CHST8: variants seen among roughly 807,000 people sequenced by gnomAD.
CHST8 encodes the protein carbohydrate sulfotransferase 8, also known as GALNAC-4-ST1.
In CHST8, 10 loss-of-function variants were observed where a neutral mutation model predicts 15.0. The ratio of observed to expected loss-of-function variants is 0.67; its 90% CI spans 0.41 to 1.13. The LOEUF (loss-of-function observed/expected upper bound fraction) is 1.13. Among genes scored for constraint, CHST8 ranks in the 50% most tolerant of loss-of-function variants. CHST8 has a pLI of 0.00. For synonymous variants in CHST8, 259 were observed against 256.6 expected (o/e 1.01, Z -0.09); for missense variants, 634 against 608.2 (o/e 1.04, Z -0.45).
intron 2 of CHST8, among the ~76,000 whole-genome samples, chr19:33,683,340 T>C (rs907523353): frequency 6.6e-5 from 10 of 152,190 alleles, no homozygotes; most frequent in Non-Finnish European, 1.5e-4. Context: ...AGAATCAACA[T>C]TTGTCTTTAA....
chr19:33,690,370 C>T (rs1169674409), intron 3 of CHST8, among the ~76,000 whole-genome samples: 2 of 151,978 alleles, frequency 1.3e-5, no homozygotes, highest in Non-Finnish European at 2.9e-5. Flanking sequence ...AAATCCCTGC[C>T]GGAAGCCCAG....
rs111453508 is a variant in CHST8, at chr19:33,734,399, T to A, written c.131-37014T>A. 2.1e-3 allele frequency among the ~76,000 whole-genome samples: 319 copies of A among 152,354 alleles called. 1 individual carries two copies. Among genetic ancestry groups the A allele is most frequent in the African/African-American group, 7.3e-3 (303 of 41,582 alleles). The stretch of plus-strand genomic sequence containing the variant: ...TTCCTTTACTTCTTAATAAACTTGC[T>A]TTCACTTTACTCTATGAACTCACCC... On this transcript the variant is annotated intron_variant, in intron 3 of 4. Coordinates refer to ENST00000650847, the MANE Select transcript of CHST8 (RefSeq NM_001127895.2).
rs1477991580 is a variant in CHST8 at position 33,634,400 on chromosome 19, AT to A, written c.-164+12106del. ...TTTGAAAATTTCCTTTCGTCCCCAA[AT>A]TGTAGAACTCACTTCCATCCCCACA... On this transcript the variant is annotated intron_variant, in intron 1 of 4. Transcript: ENST00000650847. Among the ~76,000 whole-genome samples the A allele has an allele frequency of 2.0e-5, 3 of 152,160 alleles. No homozygotes were observed. The East Asian group carries it at 5.8e-4, about 29-fold the overall frequency.
At chr19:33,709,805 CA>C (rs1428608640) in intron 3 of CHST8, among the ~76,000 whole-genome samples, 1 of 152,112 alleles carries the variant, frequency 6.6e-6, no homozygotes. Flanking sequence ...TAGAATTTAT[CA>C]GTGAAGATAT....
intron 3 of CHST8, among the ~76,000 whole-genome samples, chr19:33,692,502 A>G (rs1396885168): frequency 6.6e-6 from 1 of 152,208 alleles, no homozygotes; most frequent in Non-Finnish European, 1.5e-5. Context: ...GTTCTAGACC[A>G]GCCTGGGCAA....
chr19:33,727,582 C>G (rs369411219), intron 3 of CHST8, among the ~76,000 whole-genome samples: 6 of 152,186 alleles, frequency 3.9e-5, no homozygotes, highest in African/African-American at 1.4e-4. Context: ...TCGCGCCTGG[C>G]TTTATTAATC....
chr19:33,701,319 G>C (rs532978692), intron 3 of CHST8, among the ~76,000 whole-genome samples: 127 of 152,146 alleles, frequency 8.3e-4, no homozygotes, highest in African/African-American at 3.0e-3. Flanking sequence ...AGACACCCTG[G>C]GGGTCTCTAG....
intron 3 of CHST8, among the ~76,000 whole-genome samples, chr19:33,756,792 A>G (rs1974555715): frequency 6.6e-6 from 1 of 151,800 alleles, no homozygotes; most frequent in Admixed American, 6.6e-5. Flanking sequence ...TTCCCCAGTC[A>G]CCTCCAGAAT....
At chr19:33,669,005 TTA>T (rs1972699472) in intron 2 of CHST8, among the ~76,000 whole-genome samples, 1 of 152,168 alleles carries the variant, frequency 6.6e-6, no homozygotes, top group South Asian at 2.1e-4. Context: ...TGTTGCATCC[TTA>T]GTTTTATCCT....
chr19:33,690,117 A>G (rs952809954), intron 3 of CHST8, among the ~76,000 whole-genome samples: 4 of 152,072 alleles, frequency 2.6e-5, no homozygotes, highest in African/African-American at 7.2e-5. Context: ...AGGCCTGGGA[A>G]CTCTCTGCTT....
At chr19:33,765,556 A>AGTGTGTGTGTGTGT (rs1568362678) in intron 3 of CHST8, among the ~76,000 whole-genome samples, 6 of 81,940 alleles carry the variant, frequency 7.3e-5, no homozygotes, top group South Asian at 3.4e-4. Context: ...TGTGTGTGTC[A>AGTGTGTGTGTGTGT]GAGAGAGAGA....
At chr19:33,644,537 C>T (rs1426970042) in intron 1 of CHST8, among the ~76,000 whole-genome samples, 1 of 151,870 alleles carries the variant, frequency 6.6e-6, no homozygotes, top group African/African-American at 2.4e-5. Context: ...GAGTTTGAGA[C>T]AAGCCTGGGC....
rs538795960 is a variant in CHST8, at chr19:33,689,365, C to G, written c.104C>G (p.Thr35Arg). The change falls in exon 3 of 5, where the codon ACG (threonine) becomes AGG (arginine). Residue 35 changes from threonine to arginine, a missense_variant. Thr to Arg is a moderately conservative substitution (Grantham distance 71). Transcript: ENST00000650847. ...CTCTTCATCAGCCTGCAGGACCCTACGGAGCTCGCCCCCCAGCAGGTGCCA... is the reference window on the plus strand; with the variant it reads ...CTCTTCATCAGCCTGCAGGACCCTAGGGAGCTCGCCCCCCAGCAGGTGCCA... Reference protein sequence around the residue: ...LLLFISLQDPTELAPQQVPGI... With the variant: ...LLLFISLQDPRELAPQQVPGI... 2 of 1,603,772 alleles carry G rather than the reference C, an allele frequency of 1.2e-6. No individual in the cohort carries two copies. The highest frequency in any genetic ancestry group is 2.3e-5 in the East Asian group (1 of 44,242).
At chr19:33,762,874 T>G (rs57756302) in intron 3 of CHST8, among the ~76,000 whole-genome samples, 3 of 117,714 alleles carry the variant, frequency 2.5e-5, no homozygotes, top group Non-Finnish European at 1.9e-5. Context: ...CTTTTTTTTT[T>G]TTTTTGAGAT....
At chr19:33,756,528 C>G (rs1291728954) in intron 3 of CHST8, among the ~76,000 whole-genome samples, 1 of 152,184 alleles carries the variant, frequency 6.6e-6, no homozygotes, top group East Asian at 1.9e-4. Flanking sequence ...TCCCTGAGAC[C>G]TCCCTGTCTG....
intron 1 of CHST8, among the ~76,000 whole-genome samples, chr19:33,643,636 A>G (rs984817911): frequency 1.3e-5 from 2 of 152,200 alleles, no homozygotes; most frequent in African/African-American, 4.8e-5. Flanking sequence ...TCCTGTGTTA[A>G]CTAGGGCCTC....
chr19:33,640,929 G>A (rs987047048), intron 1 of CHST8, among the ~76,000 whole-genome samples: 1 of 152,112 alleles, frequency 6.6e-6, no homozygotes, highest in African/African-American at 2.4e-5. Context: ...GAACTGCCCT[G>A]GGCCCCAGGG....
At chr19:33,655,001 G>A (rs1045513530) in intron 1 of CHST8, among the ~76,000 whole-genome samples, 2 of 152,194 alleles carry the variant, frequency 1.3e-5, no homozygotes, top group African/African-American at 4.8e-5. Flanking sequence ...GGTCAAGCCT[G>A]TAATCCCAGT....
At chr19:33,635,783 G>C (rs1280164069) in intron 1 of CHST8, among the ~76,000 whole-genome samples, 1 of 152,182 alleles carries the variant, frequency 6.6e-6, no homozygotes, top group East Asian at 1.9e-4. Flanking sequence ...GCTTCTTGGA[G>C]GAGGCGAGCT....
Sources: gnomAD v4.1 joint callset for allele counts (sites outside exome capture counted in the v4.1 genomes callset) on GRCh38, gnomAD v4.1.1 for gene constraint, MANE v1.5 for transcripts, NCBI Gene and HGNC (gene_info 2026-07-23, HGNC 2026-07-21) for gene names.